The following SPIDR variants were observed in gnomAD, a reference collection of about 807,000 sequenced individuals.
SPIDR encodes DNA repair-scaffolding protein.
In SPIDR, 93 loss-of-function variants were observed where a neutral mutation model predicts 104.6. That is an observed-to-expected ratio of 0.89 (90% confidence interval 0.75 to 1.06). The LOEUF is 1.06. Among genes scored for constraint, SPIDR ranks in the 50% least tolerant of loss-of-function variants. SPIDR has a pLI of 0.00. For missense variants in SPIDR, 1,154 were observed against 1,111.2 expected, an observed-to-expected ratio of 1.04 and a Z score of -0.55; for synonymous variants, 431 against 416.9, an observed-to-expected ratio of 1.03 and a Z score of -0.41.
chr8:47,493,940 TC>T (rs1297025723), intron 8 of SPIDR, among the ~76,000 whole-genome samples: 6 of 152,140 alleles, frequency 3.9e-5, no homozygotes, highest in Non-Finnish European at 2.9e-5. Flanking sequence ...TATGTTCCCT[TC>T]AAAAAGCATA....
chr8:47,339,758 C>T (rs921455196), intron 5 of SPIDR, among the ~76,000 whole-genome samples: 8 of 149,976 alleles, frequency 5.3e-5, no homozygotes, highest in Non-Finnish European at 1.2e-4. Flanking sequence ...CGGCTCACTG[C>T]AACCTTTGCC....
intron 8 of SPIDR, among the ~76,000 whole-genome samples, chr8:47,562,413 T>C (rs1361171752): frequency 6.6e-6 from 1 of 152,162 alleles, no homozygotes. Context: ...ATGGACATGC[T>C]CTGGGGCACC....
chr8:47,623,907 G>C (rs1169884694), intron 10 of SPIDR, among the ~76,000 whole-genome samples: 5 of 152,108 alleles, frequency 3.3e-5, no homozygotes, highest in African/African-American at 1.2e-4. Context: ...CTACAGAACT[G>C]TCCATCCCAA....
At chr8:47,503,088 T>C (rs1270849598) in intron 8 of SPIDR, among the ~76,000 whole-genome samples, 1 of 152,180 alleles carries the variant, frequency 6.6e-6, no homozygotes, top group African/African-American at 2.4e-5. Flanking sequence ...AGGTGTGTTG[T>C]GGTGCTGAAA....
chr8:47,516,367 C>G (rs181860485), intron 8 of SPIDR, among the ~76,000 whole-genome samples: 1 of 152,112 alleles, frequency 6.6e-6, no homozygotes, highest in Admixed American at 6.5e-5. Context: ...CAACCAACAC[C>G]GCTCTTCATT....
chr8:47,381,683 G>A (rs1162947754), intron 5 of SPIDR, among the ~76,000 whole-genome samples: 2 of 152,196 alleles, frequency 1.3e-5, no homozygotes, highest in African/African-American at 4.8e-5. Context: ...ACCAGCGATT[G>A]GCAGGAAGTG....
intron 10 of SPIDR, among the ~76,000 whole-genome samples, chr8:47,604,745 A>C (rs967063599): frequency 1.3e-5 from 2 of 152,212 alleles, no homozygotes; most frequent in African/African-American, 4.8e-5. Flanking sequence ...AACTATAGTG[A>C]GAGCAGGTCT....
chr8:47,642,370 C>A (rs542982828), intron 10 of SPIDR, among the ~76,000 whole-genome samples: 2 of 148,654 alleles, frequency 1.3e-5, no homozygotes, highest in African/African-American at 5.0e-5. Flanking sequence ...GAGCCAAGAT[C>A]GTGCCACTGC....
intron 3 of SPIDR, among the ~76,000 whole-genome samples, chr8:47,288,122 TGTAGGTATTTTATTGGTTTTTG>T (rs2039214528): frequency 6.6e-6 from 1 of 152,194 alleles, no homozygotes; most frequent in Non-Finnish European, 1.5e-5. Flanking sequence ...TTAAGTTTCT[TGTAGGTATTTTATTGGTTTTTG>T]CTACTGCTTT....
At chr8:47,667,413 A>G (rs2075106784) in intron 10 of SPIDR, among the ~76,000 whole-genome samples, 1 of 149,558 alleles carries the variant, frequency 6.7e-6, no homozygotes, top group African/African-American at 2.5e-5. Flanking sequence ...CCCAGGCAGC[A>G]TAGCAAGACC....
intron 16 of SPIDR, among the ~76,000 whole-genome samples, chr8:47,724,322 G>T (rs1220175687): frequency 3.9e-5 from 6 of 152,226 alleles, no homozygotes; most frequent in Admixed American, 3.3e-4. Context: ...AGCCTCACAT[G>T]CAGGAATGTC....
At chr8:47,603,317 A>G (rs781657687) in intron 10 of SPIDR, among the ~76,000 whole-genome samples, 2 of 152,192 alleles carry the variant, frequency 1.3e-5, no homozygotes, top group South Asian at 2.1e-4. Context: ...TTGCCAGCAG[A>G]CATCACCTTT....
intron 7 of SPIDR, among the ~76,000 whole-genome samples, chr8:47,410,497 A>G (rs1472381474): frequency 6.6e-6 from 1 of 151,840 alleles, no homozygotes; most frequent in African/African-American, 2.4e-5. Flanking sequence ...TCTTCTATAC[A>G]TATCTGTGGG....
intron 3 of SPIDR, 78 bp downstream of exon 3, chr8:47,284,172 G>A (rs1333356737): frequency 7.9e-7 from 1 of 1,272,538 alleles, no homozygotes; most frequent in Non-Finnish European, 1.1e-6. Flanking sequence ...AAAATTTGCT[G>A]TTTTAAAAAA....
At chr8:47,341,055 G>A (rs541071940) in intron 5 of SPIDR, among the ~76,000 whole-genome samples, 1 of 152,134 alleles carries the variant, frequency 6.6e-6, no homozygotes, top group Non-Finnish European at 1.5e-5. Context: ...CAGTCAGCTT[G>A]GGGGGGATGC....
chr8:47,527,465 G>A (rs2085203651), intron 8 of SPIDR: 1 of 152,314 alleles, frequency 6.6e-6, no homozygotes, highest in Non-Finnish European at 1.5e-5. Flanking sequence ...AGGCTCCTGT[G>A]TAGTAACAGA....
intron 10 of SPIDR, among the ~76,000 whole-genome samples, chr8:47,649,596 T>C (rs1236735955): frequency 6.6e-6 from 1 of 152,174 alleles, no homozygotes; most frequent in Admixed American, 6.5e-5. Context: ...AGATCAGGGT[T>C]CATGTCCTCC....
At chr8:47,311,819 T>G (rs1450046301) in intron 5 of SPIDR, among the ~76,000 whole-genome samples, 2 of 152,142 alleles carry the variant, frequency 1.3e-5, no homozygotes, top group Admixed American at 1.3e-4. Flanking sequence ...GCTGCACCCA[T>G]TAACTCATCA....
At chr8:47,677,801 C>G (rs1283463362) in intron 11 of SPIDR, among the ~76,000 whole-genome samples, 3 of 152,214 alleles carry the variant, frequency 2.0e-5, no homozygotes, top group African/African-American at 7.2e-5. Flanking sequence ...CTTTAAACAT[C>G]TTGATCTAGC....
Sources: gnomAD v4.1 joint callset for allele counts (sites outside exome capture counted in the v4.1 genomes callset) on GRCh38, gnomAD v4.1.1 for gene constraint, MANE v1.5 for transcripts, NCBI Gene and HGNC (gene_info 2026-07-23, HGNC 2026-07-21) for gene names.